Variants in CRCP observed in about 807,000 individuals in gnomAD.
CRCP encodes DNA-directed RNA polymerase III subunit RPC9.
Under a neutral mutation model 18.5 loss-of-function variants are expected in CRCP, and 18 were observed. The ratio of observed to expected loss-of-function variants is 0.97; its 90% CI spans 0.67 to 1.44. The LOEUF is 1.44. CRCP is among the 40% of genes most tolerant of loss of function. CRCP has a pLI of 0.00. For synonymous variants in CRCP, 53 were observed against 62.9 expected, an observed-to-expected ratio of 0.84 and a Z score of 0.75; for missense variants, 130 against 176.4, an observed-to-expected ratio of 0.74 and a Z score of 1.49.
At chr7:66,117,501 A>G (rs1787305213) in intron 1 of CRCP, among the ~76,000 whole-genome samples, 1 of 152,162 alleles carries the variant, frequency 6.6e-6, no homozygotes, top group South Asian at 2.1e-4. Context: ...TTCACTCCCT[A>G]AATCCAGTCC....
chr7:66,140,385 C>A (rs316330), intron 4 of CRCP, among the ~76,000 whole-genome samples: 15,433 of 149,286 alleles, frequency 0.1, 967 homozygotes, highest in South Asian at 0.2. Flanking sequence ...GAGATTTCTT[C>A]TTTTCTTTTC....
At chr7:66,116,980 G>C (rs917429738) in intron 1 of CRCP, among the ~76,000 whole-genome samples, 2 of 152,106 alleles carry the variant, frequency 1.3e-5, no homozygotes, top group Non-Finnish European at 2.9e-5. Flanking sequence ...AATTAACTGG[G>C]TGTAGTGGTG....
chr7:66,121,598 T>C (rs1012132572), intron 1 of CRCP, among the ~76,000 whole-genome samples: 1 of 152,142 alleles, frequency 6.6e-6, no homozygotes, highest in Non-Finnish European at 1.5e-5. Flanking sequence ...TAGCTGGGAC[T>C]ACAGGCATGC....
intron 1 of CRCP, among the ~76,000 whole-genome samples, chr7:66,123,645 G>A (rs1787518631): frequency 6.6e-6 from 1 of 151,958 alleles, no homozygotes; most frequent in South Asian, 2.1e-4. Context: ...CTACTTGGGA[G>A]GCTGAGGCAG....
intron 1 of CRCP, among the ~76,000 whole-genome samples, chr7:66,115,562 G>T (rs1048250628): frequency 6.6e-6 from 1 of 152,130 alleles, no homozygotes; most frequent in Non-Finnish European, 1.5e-5. Context: ...TGTGCAAGGC[G>T]AGGGTAAAAG....
At chr7:66,127,649 A>T (rs768407058) in intron 1 of CRCP, 55 bp from the exon 2 acceptor site, 164 of 1,595,050 alleles carry the variant, frequency 1.0e-4, no homozygotes, top group Middle Eastern at 5.0e-4. Flanking sequence ...ACAGAATTTG[A>T]TACCCAGAAA....
chr7:66,149,243 G>A (rs931490458), intron 5 of CRCP, among the ~76,000 whole-genome samples: 11 of 152,144 alleles, frequency 7.2e-5, no homozygotes, highest in Admixed American at 3.9e-4. Context: ...AAGGTGAAAG[G>A]CCGGACACAG....
chr7:66,140,395 C>CTTTTTTTTTTT, intron 4 of CRCP, among the ~76,000 whole-genome samples: 1 of 142,840 alleles, frequency 7.0e-6, no homozygotes, highest in Non-Finnish European at 1.5e-5. Context: ...CTTTTCTTTT[C>CTTTTTTTTTTT]TTTTTTTTTT....
intron 4 of CRCP, among the ~76,000 whole-genome samples, chr7:66,142,454 C>T (rs1237847696): frequency 1.3e-5 from 2 of 152,184 alleles, no homozygotes; most frequent in Admixed American, 1.3e-4. Context: ...CTGAACTGCA[C>T]AGGCCACCAA....
At chr7:66,124,491 CCCT>C (rs1327556693) in intron 1 of CRCP, among the ~76,000 whole-genome samples, 7 of 146,760 alleles carry the variant, frequency 4.8e-5, no homozygotes, top group African/African-American at 1.5e-4. Context: ...TCTTTTCCCT[CCCT>C]CCTCCCTCCC....
chr7:66,153,231 A>C lies in CRCP; in HGVS notation c.*874A>C, dbSNP rs1788525091. The C allele has an allele frequency of 6.6e-6, 1 of 152,590 alleles. No individual in the cohort carries two copies. The highest frequency in any genetic ancestry group is 6.6e-5 in the Admixed American group (1 of 15,260). 9.5% of individuals were successfully genotyped at this position (152,590 alleles called of 1,614,324 possible). A position where few individuals can be genotyped will look rare whatever the true frequency, so the allele number is the denominator to read the frequency against. The stretch of plus-strand genomic sequence containing the variant: ...GGCAGGCGGATCACCTGAGGTCAGG[A>C]GTTTGAGACCAGCCTCACCAACATG... On this transcript the variant is annotated 3_prime_UTR_variant, in exon 6 of 6. Coordinates refer to ENST00000395326, the MANE Select transcript of CRCP (RefSeq NM_014478.5).
chr7:66,147,211 G>A (rs1788324460), intron 5 of CRCP, among the ~76,000 whole-genome samples: 1 of 152,008 alleles, frequency 6.6e-6, no homozygotes, highest in Non-Finnish European at 1.5e-5. Context: ...GCATGATGGT[G>A]CACACCTGTA....
intron 1 of CRCP, among the ~76,000 whole-genome samples, chr7:66,115,584 G>GT (rs1562755581): frequency 6.6e-6 from 1 of 152,166 alleles, no homozygotes; most frequent in Non-Finnish European, 1.5e-5. Context: ...TTTTCTGACA[G>GT]TTTAACTCCA....
intron 1 of CRCP, among the ~76,000 whole-genome samples, chr7:66,121,444 G>A (rs775814505): frequency 4.6e-5 from 7 of 151,602 alleles, no homozygotes; most frequent in South Asian, 2.1e-4. Context: ...ATGTATTTTC[G>A]TCAAGTAAAA....
At chr7:66,145,387 C>A in intron 4 of CRCP, 56 bp from the exon 5 acceptor site, 2 of 1,564,626 alleles carry the variant, frequency 1.3e-6, no homozygotes, top group South Asian at 1.1e-5. Flanking sequence ...GCAGCTCAGT[C>A]AGGACTCAGG....
chr7:66,122,964 T>C (rs1399540970), intron 1 of CRCP, among the ~76,000 whole-genome samples: 2 of 150,800 alleles, frequency 1.3e-5, no homozygotes, highest in Non-Finnish European at 3.0e-5. Flanking sequence ...TCTTTTTTTT[T>C]TTTTTTTTGA....
intron 5 of CRCP, among the ~76,000 whole-genome samples, chr7:66,146,067 C>T (rs1452706093): frequency 6.6e-6 from 1 of 152,140 alleles, no homozygotes; most frequent in Non-Finnish European, 1.5e-5. Flanking sequence ...CCGTGTACTG[C>T]GTTGATTTCT....
intron 1 of CRCP, among the ~76,000 whole-genome samples, chr7:66,115,917 C>T (rs1342611582): frequency 6.6e-6 from 1 of 152,192 alleles, no homozygotes; most frequent in Non-Finnish European, 1.5e-5. Flanking sequence ...CTGCTTCAGC[C>T]TCTTCAGTAG....
At chr7:66,119,184 C>T (rs1373513722) in intron 1 of CRCP, among the ~76,000 whole-genome samples, 1 of 152,104 alleles carries the variant, frequency 6.6e-6, no homozygotes, top group Non-Finnish European at 1.5e-5. Context: ...GTGAGGTTGG[C>T]CATGCTTCAA....
Sources: allele counts gnomAD v4.1 joint callset (sites outside exome capture counted in the v4.1 genomes callset), GRCh38; gene constraint gnomAD v4.1.1; transcripts MANE v1.5; gene names NCBI Gene and HGNC (gene_info 2026-07-23, HGNC 2026-07-21).